Variants in TAF6 observed in about 807,000 individuals in gnomAD.
TAF6 encodes transcription initiation factor TFIID subunit 6.
In TAF6, 50 loss-of-function variants were observed where a neutral mutation model predicts 73.5. The ratio of observed to expected loss-of-function variants is 0.68; its 90% confidence interval spans 0.54 to 0.86. The LOEUF is 0.86. Among genes scored for constraint, TAF6 ranks in the 40% least tolerant of loss-of-function variants. The pLI is 0.00. For synonymous variants in TAF6, 424 were observed against 376.7 expected, an observed-to-expected ratio of 1.13 and a Z score of -1.45; for missense variants, 768 against 899.5, an observed-to-expected ratio of 0.85 and a Z score of 1.87.
chr7:100,113,027 G>C, intron 5 of TAF6, 110 bp from the exon 6 acceptor site: 1 of 1,447,228 alleles, frequency 6.9e-7, no homozygotes, highest in Non-Finnish European at 9.3e-7. Flanking sequence ...CACTTTGGGA[G>C]GCCAAGGCGG....
At chr7:100,124,534 G>A (rs761552985), upstream of TAF6, 13 of 1,612,680 alleles carry the variant, frequency 8.1e-6, no homozygotes, top group African/African-American at 1.7e-4. Context: ...TGTTGGAGGA[G>A]TTTGAAGACA....
At chr7:100,113,562 C>T in intron 4 of TAF6, 54 bp downstream of exon 4, 1 of 1,599,214 alleles carries the variant, frequency 6.3e-7, no homozygotes, top group Non-Finnish European at 8.5e-7. Context: ...CACACCTACA[C>T]ACATCTGTCC....
intron 10 of TAF6, among the ~76,000 whole-genome samples, chr7:100,110,741 G>T (rs1047045146): frequency 5.3e-5 from 8 of 152,224 alleles, no homozygotes; most frequent in African/African-American, 1.7e-4. Context: ...AACCCAGGAG[G>T]CGGAGGTTGT....
intron 1 of TAF6, 155 bp from the exon 2 acceptor site, chr7:100,114,423 A>C: frequency 1.3e-6 from 1 of 792,314 alleles, no homozygotes; most frequent in Non-Finnish European, 2.1e-6. Flanking sequence ...GAAAGATACA[A>C]ATCTGGGCTG....
rs1169414522 is a variant in TAF6 at position 100,107,913 on chromosome 7, C to G, written c.1656+13G>C. ...GGCCCTCCAGATGCTCCCTGTCCCA[C>G]AGCTCTGCATACCTGCTGGGTGGAT... On this transcript the variant is annotated intron_variant, in intron 14 of 14. Transcript: ENST00000453269. The G allele has an allele frequency of 6.3e-7, 1 of 1,594,106 alleles. No individual in the cohort carries two copies. Among genetic ancestry groups the G allele is most frequent in the Non-Finnish European group, 8.6e-7 (1 of 1,167,870 alleles).
chr7:100,118,063 A>C (rs1311968215), intron 1 of TAF6, among the ~76,000 whole-genome samples: 31 of 144,172 alleles, frequency 2.2e-4, no homozygotes, highest in African/African-American at 7.8e-4. Flanking sequence ...AAAAAAAAAC[A>C]AAAAAAGCAA....
chr7:100,119,520 A>T, upstream of TAF6: 3 of 1,341,294 alleles, frequency 2.2e-6, no homozygotes, highest in Non-Finnish European at 3.0e-6. Flanking sequence ...ACTGCAATTT[A>T]TTCCTTCACT....
At chr7:100,126,663 G>A in the TAF6 span, 1 of 152,286 alleles carries the variant, frequency 6.6e-6, no homozygotes, top group Non-Finnish European at 1.5e-5. Flanking sequence ...AGAAACCTTA[G>A]CTGGGCTTGG....
At chr7:100,122,880 G>A (rs767100028), upstream of TAF6, 113 of 1,613,564 alleles carry the variant, frequency 7.0e-5, no homozygotes, top group Non-Finnish European at 8.9e-5. Flanking sequence ...TGAGCCCAGC[G>A]TGGAGGTCAC....
intron 12 of TAF6, among the ~76,000 whole-genome samples, chr7:100,109,559 C>T (rs749895393): frequency 4.6e-5 from 7 of 151,836 alleles, no homozygotes; most frequent in Non-Finnish European, 5.9e-5. Context: ...TGCAGTGGCA[C>T]GATCATAGCT....
chr7:100,124,596 T>C (rs1285431554), upstream of TAF6: 1 of 1,613,232 alleles, frequency 6.2e-7, no homozygotes, highest in African/African-American at 1.3e-5. Flanking sequence ...CAAAATTTTC[T>C]CTGTGAAGGT....
the TAF6 span, among the ~76,000 whole-genome samples, chr7:100,126,138 A>G: frequency 6.6e-6 from 1 of 152,058 alleles, no homozygotes; most frequent in Admixed American, 6.6e-5. Flanking sequence ...GTGAGCCAAG[A>G]TCGTGCCACT....
upstream of TAF6, among the ~76,000 whole-genome samples, chr7:100,124,136 C>CA (rs796657885): frequency 1.7e-3 from 214 of 127,248 alleles, 1 homozygote; most frequent in South Asian, 0.015. Context: ...GACTCCATCT[C>CA]AAAAAAAAAA....
At chr7:100,122,066 A>T (rs552393936), upstream of TAF6, 5 of 537,556 alleles carry the variant, frequency 9.3e-6, no homozygotes, top group African/African-American at 9.7e-5. Context: ...AAAAAAAAAA[A>T]GATGAAGAAA....
Position 100,111,297 on chromosome 7 carries a change from T to G in TAF6, c.925A>C (p.Met309Leu). The change falls in exon 10 of 15, where the codon ATG becomes CTG. Residue 309 changes from methionine (M) to leucine (L), a missense_variant. Around this residue, in one of 5 missense-constraint regions of TAF6, gnomAD observed 78 missense variants for 153.4 expected, o/e 0.51. Transcript: ENST00000453269. ...AACTGTCTGCTCACGATGCAGGTCATCACAGCTGGAATCAGCTCATGGACC... is the reference window on the plus strand; with the variant it reads ...AACTGTCTGCTCACGATGCAGGTCAGCACAGCTGGAATCAGCTCATGGACC... ...KYVHELIPAV[M>L]TCIVSRQLCL... The G allele has an allele frequency of 1.9e-6, 3 of 1,614,028 alleles. No homozygotes were observed. Among genetic ancestry groups the G allele is most frequent in the Non-Finnish European group, 2.5e-6 (3 of 1,179,872 alleles).
At chr7:100,113,493 C>T in intron 4 of TAF6, 88 bp from the exon 5 acceptor site, 1 of 1,531,592 alleles carries the variant, frequency 6.5e-7, no homozygotes, top group Non-Finnish European at 8.8e-7. Flanking sequence ...TCCACTCCTG[C>T]TCCCCTTGCA....
chr7:100,124,723 A>G (rs140295353), upstream of TAF6: 2 of 1,613,730 alleles, frequency 1.2e-6, no homozygotes, highest in Non-Finnish European at 1.7e-6. Context: ...CATCCGATCT[A>G]GCATGTCTAC....
Position 100,114,795 on chromosome 7 carries a change from G to A in TAF6, c.-59-527C>T, listed in dbSNP as rs564788979. ...TCTGGGAGCCCAAGGTAGGAGGATC[G>A]CTTGAGCCCAGCAGTTCACGACCAG... On this transcript the variant is annotated intron_variant, in intron 1 of 14. Transcript: ENST00000453269. Among the ~76,000 whole-genome samples the A allele has an allele frequency of 4.0e-5, 6 of 151,424 alleles. No homozygotes were observed. In the East Asian group the frequency reaches 9.9e-4, roughly 25 times the overall value.
At position 100,107,204 on chromosome 7, in the gene TAF6, A is replaced by ACG. The variant is rs1562915554; in HGVS notation, c.*41_*42insCG. 3 of 1,518,604 alleles carry ACG rather than the reference A, an allele frequency of 2.0e-6. No individual in the cohort carries two copies. The Admixed American group carries it at 6.7e-5, about 34-fold the overall frequency. 94.1% of individuals were successfully genotyped at this position (1,518,604 alleles called of 1,614,324 possible). A position where few individuals can be genotyped will look rare whatever the true frequency, so the allele number is the denominator to read the frequency against. Reference sequence around the variant, plus strand: ...CATGTGTGTACGTGCACGTGTGTACATGTCTGCATGTGTGGGAATCCGGGG... The same window carrying ACG: ...CATGTGTGTACGTGCACGTGTGTACACGTGTCTGCATGTGTGGGAATCCGGGG... On this transcript the variant is annotated 3_prime_UTR_variant, in exon 15 of 15. Coordinates refer to ENST00000453269, the MANE Select transcript of TAF6 (RefSeq NM_139315.3).
Sources: gnomAD v4.1 joint callset for allele counts (sites outside exome capture counted in the v4.1 genomes callset) on GRCh38, gnomAD v4.1.1 for gene constraint, gnomAD v4.1.1 regional missense constraint, MANE v1.5 for transcripts, NCBI Gene and HGNC (gene_info 2026-07-23, HGNC 2026-07-21) for gene names.